Variants in PCDH9 observed in about 807,000 individuals in gnomAD.
The protein encoded by PCDH9 is protocadherin 9.
A neutral mutation model predicts 70.6 loss-of-function variants in PCDH9; 24 were observed. The ratio of observed to expected loss-of-function variants is 0.34; its 90% CI spans 0.25 to 0.48. PCDH9 has a LOEUF of 0.48. Among genes scored for constraint, PCDH9 ranks in the 20% least tolerant of loss-of-function variants. The probability of loss-of-function intolerance (pLI) is 0.99; values close to 1 mark genes in which losing one functional copy is unlikely to be tolerated. For missense variants in PCDH9, 1,281 were observed against 1,503.6 expected, an observed-to-expected ratio of 0.85 and a Z score of 2.45; for synonymous variants, 562 against 558.5, an observed-to-expected ratio of 1.01 and a Z score of -0.09.
At chr13:66,786,624 C>A (rs1015013961) in intron 3 of PCDH9, among the ~76,000 whole-genome samples, 1 of 152,156 alleles carries the variant, frequency 6.6e-6, no homozygotes, top group Non-Finnish European at 1.5e-5. Flanking sequence ...CTATTACTTG[C>A]AGCCAAAATC....
At chr13:67,199,736 T>G (rs1486092503) in intron 2 of PCDH9, among the ~76,000 whole-genome samples, 2 of 152,246 alleles carry the variant, frequency 1.3e-5, no homozygotes, top group African/African-American at 4.8e-5. Flanking sequence ...TATCTTGGAC[T>G]TTTAAACATT....
chr13:66,379,261 C>A (rs1421951925), intron 4 of PCDH9, among the ~76,000 whole-genome samples: 1 of 152,154 alleles, frequency 6.6e-6, no homozygotes, highest in South Asian at 2.1e-4. Flanking sequence ...CAGCTGAGTG[C>A]AACTTACAAA....
chr13:66,703,913 A>G (rs2078679651), intron 3 of PCDH9, among the ~76,000 whole-genome samples: 1 of 151,698 alleles, frequency 6.6e-6, no homozygotes, highest in Non-Finnish European at 1.5e-5. Flanking sequence ...TTAAAAATTA[A>G]AAAAAAATAG....
chr13:66,746,244 A>G (rs2079361291), intron 3 of PCDH9, among the ~76,000 whole-genome samples: 1 of 152,228 alleles, frequency 6.6e-6, no homozygotes, highest in Non-Finnish European at 1.5e-5. Flanking sequence ...TAAAAAGAAT[A>G]AAAAGAATCT....
chr13:67,112,015 T>A (rs964462399), intron 2 of PCDH9, among the ~76,000 whole-genome samples: 24 of 152,278 alleles, frequency 1.6e-4, no homozygotes, highest in African/African-American at 5.3e-4. Context: ...CGCATTAGAT[T>A]TATACACATT....
chr13:67,062,185 T>C (rs2085551909), intron 2 of PCDH9, among the ~76,000 whole-genome samples: 2 of 152,130 alleles, frequency 1.3e-5, no homozygotes, highest in Admixed American at 1.3e-4. Context: ...ATCAATTTTA[T>C]TTGCCCAAAC....
At chr13:66,327,108 C>A (rs1371918530) in intron 4 of PCDH9, among the ~76,000 whole-genome samples, 4 of 152,092 alleles carry the variant, frequency 2.6e-5, no homozygotes, top group African/African-American at 9.7e-5. Flanking sequence ...TAGAAATAGC[C>A]TTATCAAACT....
Position 66,734,610 on chromosome 13 carries a change from C to T in PCDH9, c.3139-103199G>A, listed in dbSNP as rs763413345. On this transcript the variant is annotated intron_variant, in intron 3 of 4. Transcript: ENST00000377865. ...AAGCTTCCAGCACATTCATTTTCTA[C>T]ACTAGACGTCAATATTAATCAATGT... Among the ~76,000 whole-genome samples the T allele has an allele frequency of 3.2e-4, 48 of 152,136 alleles. 1 individual carries two copies. The highest frequency in any genetic ancestry group is 6.0e-4 in the Non-Finnish European group (41 of 68,034).
At chr13:66,985,383 T>C (rs2083870530) in intron 2 of PCDH9, 1 of 152,116 alleles carries the variant, frequency 6.6e-6, no homozygotes. Context: ...GTTATGATTA[T>C]GTTACATATT....
chr13:66,953,922 G>A (rs2083225931), intron 2 of PCDH9, among the ~76,000 whole-genome samples: 3 of 152,066 alleles, frequency 2.0e-5, no homozygotes, highest in Admixed American at 1.3e-4. Flanking sequence ...TCACCCCTCC[G>A]CTTTGCTTCT....
At chr13:66,954,041 C>T (rs1223220157) in intron 2 of PCDH9, among the ~76,000 whole-genome samples, 1 of 152,144 alleles carries the variant, frequency 6.6e-6, no homozygotes, top group Non-Finnish European at 1.5e-5. Flanking sequence ...GCGCAAAATA[C>T]CAAATGAAGA....
intron 2 of PCDH9, among the ~76,000 whole-genome samples, chr13:66,917,249 G>A (rs79102752): frequency 0.011 from 1,693 of 151,492 alleles, 39 homozygotes; most frequent in African/African-American, 0.038. Flanking sequence ...GGCCTGCCAC[G>A]AAACTGGGCC....
chr13:66,769,000 A>C (rs537046256), intron 3 of PCDH9, among the ~76,000 whole-genome samples: 2 of 152,268 alleles, frequency 1.3e-5, no homozygotes, highest in South Asian at 4.1e-4. Flanking sequence ...GAAAAATGTT[A>C]AACTTAAAAT....
chr13:66,962,605 G>C (rs1594318399), intron 2 of PCDH9, among the ~76,000 whole-genome samples: 1 of 152,176 alleles, frequency 6.6e-6, no homozygotes, highest in Non-Finnish European at 1.5e-5. Flanking sequence ...TCATAACAAA[G>C]TGGTATGTAT....
At chr13:66,424,869 C>T (rs559436974) in intron 4 of PCDH9, among the ~76,000 whole-genome samples, 3 of 151,930 alleles carry the variant, frequency 2.0e-5, no homozygotes, top group African/African-American at 7.2e-5. Context: ...AGGAATTTTA[C>T]CAGCCAGTCT....
chr13:66,775,080 T>C (rs543113183), intron 3 of PCDH9, among the ~76,000 whole-genome samples: 7 of 152,340 alleles, frequency 4.6e-5, no homozygotes, highest in Non-Finnish European at 7.3e-5. Context: ...GCATTTTACC[T>C]GAGCTGCTTT....
At chr13:66,340,917 A>G (rs1010875263) in intron 4 of PCDH9, among the ~76,000 whole-genome samples, 1 of 152,128 alleles carries the variant, frequency 6.6e-6, no homozygotes, top group Non-Finnish European at 1.5e-5. Flanking sequence ...TAGGGTTTAT[A>G]CCTTTATTTC....
At chr13:66,891,286 C>A (rs1349420146) in intron 3 of PCDH9, among the ~76,000 whole-genome samples, 1 of 152,042 alleles carries the variant, frequency 6.6e-6, no homozygotes, top group Non-Finnish European at 1.5e-5. Flanking sequence ...ATATTATGTT[C>A]TCTAAATACA....
chr13:66,873,399 T>C (rs996842517), intron 3 of PCDH9, among the ~76,000 whole-genome samples: 6 of 152,156 alleles, frequency 3.9e-5, no homozygotes, highest in Admixed American at 3.9e-4. Context: ...GAAGGAATAG[T>C]GAATGTCAAA....
Sources: allele counts gnomAD v4.1 joint callset (sites outside exome capture counted in the v4.1 genomes callset), GRCh38; gene constraint gnomAD v4.1.1; transcripts MANE v1.5; gene names NCBI Gene and HGNC (gene_info 2026-07-23, HGNC 2026-07-21).